RANBP2: variants seen among roughly 807,000 people sequenced by gnomAD.
RANBP2 encodes E3 SUMO-protein ligase RanBP2.
In RANBP2, 57 loss-of-function variants were observed where a neutral mutation model predicts 303.6. The ratio of observed to expected loss-of-function variants is 0.19; its 90% CI spans 0.15 to 0.23. RANBP2 has a LOEUF of 0.23. Among genes scored for constraint, RANBP2 ranks in the 10% least tolerant of loss-of-function variants. The pLI, the probability that RANBP2 is intolerant of heterozygous loss-of-function variation, is 1.00. For missense variants in RANBP2, 3,138 were observed against 3,780.8 expected, an observed-to-expected ratio of 0.83 and a Z score of 4.46; for synonymous variants, 1,167 against 1,301.5, an observed-to-expected ratio of 0.90 and a Z score of 2.23.
chr2:109,189,206 A>G, the RANBP2 span, among the ~76,000 whole-genome samples: 4 of 151,510 alleles, frequency 2.6e-5, no homozygotes, highest in African/African-American at 9.7e-5. Flanking sequence ...TACCCCCGAG[A>G]TAGAGGAGGC....
At chr2:108,944,938 G>T in the RANBP2 span, among the ~76,000 whole-genome samples, 2 of 152,170 alleles carry the variant, frequency 1.3e-5, no homozygotes, top group African/African-American at 4.8e-5. Context: ...GAAGGCCTAG[G>T]GTGTCCCTGC....
At chr2:108,995,226 C>T in the RANBP2 span, among the ~76,000 whole-genome samples, 1 of 152,046 alleles carries the variant, frequency 6.6e-6, no homozygotes, top group Non-Finnish European at 1.5e-5. Flanking sequence ...AGTAGTGAGA[C>T]TGCGGCTCAC....
the RANBP2 span, among the ~76,000 whole-genome samples, chr2:109,522,094 A>C: frequency 6.6e-6 from 1 of 152,110 alleles, no homozygotes; most frequent in Non-Finnish European, 1.5e-5. Context: ...ATTTTAAAAA[A>C]ACCTGCTGAA....
chr2:109,598,066 G>A, the RANBP2 span, among the ~76,000 whole-genome samples: 2 of 152,140 alleles, frequency 1.3e-5, no homozygotes, highest in South Asian at 4.2e-4. Flanking sequence ...TTTTTGTTTT[G>A]TTTTGTTTTT....
chr2:109,266,185 G>GTGTGTGT, the RANBP2 span, among the ~76,000 whole-genome samples: 2 of 151,556 alleles, frequency 1.3e-5, no homozygotes, highest in South Asian at 2.1e-4. Context: ...GTGCGTGCAT[G>GTGTGTGT]TGTGTGTTGT....
the RANBP2 span, among the ~76,000 whole-genome samples, chr2:109,721,979 T>C: frequency 6.6e-6 from 1 of 152,204 alleles, no homozygotes; most frequent in Non-Finnish European, 1.5e-5. Flanking sequence ...AGGCAACACA[T>C]TTGCTTCAGT....
At chr2:108,866,148 T>G in the RANBP2 span, among the ~76,000 whole-genome samples, 2 of 152,122 alleles carry the variant, frequency 1.3e-5, no homozygotes, top group Admixed American at 6.5e-5. Context: ...GAAAGGGAAT[T>G]TGGCCATGGG....
chr2:109,407,187 T>TG, the RANBP2 span, among the ~76,000 whole-genome samples: 43,241 of 152,188 alleles, frequency 0.28, 7,634 homozygotes, highest in Non-Finnish European at 0.39. Context: ...CATTGGCCCT[T>TG]GCCAGCTTCT....
At chr2:109,010,094 A>T in the RANBP2 span, among the ~76,000 whole-genome samples, 3 of 152,168 alleles carry the variant, frequency 2.0e-5, no homozygotes, top group Non-Finnish European at 4.4e-5. Flanking sequence ...AAAAAATTTT[A>T]TGTATATATT....
chr2:109,028,661 C>T, the RANBP2 span, among the ~76,000 whole-genome samples: 5 of 152,214 alleles, frequency 3.3e-5, no homozygotes, highest in Non-Finnish European at 5.9e-5. Flanking sequence ...ACAGGCCCTC[C>T]GAGGGTGGCA....
the RANBP2 span, among the ~76,000 whole-genome samples, chr2:109,026,033 T>A: frequency 6.6e-6 from 1 of 152,162 alleles, no homozygotes; most frequent in South Asian, 2.1e-4. Flanking sequence ...CGCTTGCAGT[T>A]CAGAGCAGGT....
the RANBP2 span, among the ~76,000 whole-genome samples, chr2:109,612,944 G>A: frequency 1.3e-5 from 2 of 152,222 alleles, no homozygotes; most frequent in Admixed American, 1.3e-4. Context: ...CATGTAGGAG[G>A]TTGCTTAGTA....
the RANBP2 span, among the ~76,000 whole-genome samples, chr2:109,630,247 GC>G: frequency 1.3e-5 from 2 of 152,164 alleles, no homozygotes; most frequent in African/African-American, 2.4e-5. Context: ...CCCTGGGGCA[GC>G]CAATTCTTGG....
the RANBP2 span, chr2:108,896,845 A>G: frequency 6.6e-7 from 1 of 1,525,672 alleles, no homozygotes; most frequent in Non-Finnish European, 8.9e-7. Context: ...CACCACTCAC[A>G]GCTCCAGAGC....
chr2:108,725,496 T>C (rs1446568334), intron 1 of RANBP2, among the ~76,000 whole-genome samples: 1 of 152,252 alleles, frequency 6.6e-6, no homozygotes, highest in Non-Finnish European at 1.5e-5. Context: ...GCTCAATGGC[T>C]GACGCCTGTA....
chr2:109,256,243 G>A, the RANBP2 span, among the ~76,000 whole-genome samples: 1 of 152,188 alleles, frequency 6.6e-6, no homozygotes, highest in Non-Finnish European at 1.5e-5. Flanking sequence ...AGCCTGCCAT[G>A]GACAGGTCGC....
At chr2:108,808,502 T>G in the RANBP2 span, among the ~76,000 whole-genome samples, 2 of 152,174 alleles carry the variant, frequency 1.3e-5, no homozygotes, top group Admixed American at 1.3e-4. Flanking sequence ...GTTTCCCTTC[T>G]CCACATCCTC....
downstream of RANBP2, chr2:108,789,058 CTGAGGACAAGTA>C (rs1013496242): frequency 7.6e-5 from 103 of 1,352,338 alleles, 1 homozygote; most frequent in Admixed American, 1.5e-3. Context: ...TTGCTCTTTC[CTGAGGACAAGTA>C]TGAGGACAAG....
In RANBP2 at chr2:108,753,118, A is replaced by G. The variant is rs537490309; in HGVS notation, c.1876A>G (p.Ile626Val). Residue 626 changes from isoleucine (I) to valine (V), a missense_variant, in exon 13 of 29, where the codon ATT becomes GTT. This residue lies in a region of RANBP2 where 162 missense variants were observed against 286.9 expected (regional missense o/e 0.56). Coordinates refer to ENST00000283195, the MANE Select transcript of RANBP2 (RefSeq NM_006267.5). ...IKKKNSIPEP[I>V]DPLFKHFHSV... Reference sequence around the variant, plus strand: ...AAAGAAGAACAGTATTCCTGAACCTATTGATCCTCTGTTTAAACATTTTCA... The same window carrying G: ...AAAGAAGAACAGTATTCCTGAACCTGTTGATCCTCTGTTTAAACATTTTCA... 7.5e-6 allele frequency: 12 copies of G among 1,609,716 alleles called. No individual in the cohort carries two copies. The highest frequency in any genetic ancestry group is 6.7e-5 in the East Asian group (3 of 44,778).
Sources: gnomAD v4.1 joint callset for allele counts (sites outside exome capture counted in the v4.1 genomes callset) on GRCh38, gnomAD v4.1.1 for gene constraint, gnomAD v4.1.1 regional missense constraint, MANE v1.5 for transcripts, NCBI Gene and HGNC (gene_info 2026-07-23, HGNC 2026-07-21) for gene names.